USP4: variants seen among roughly 807,000 people sequenced by gnomAD.
USP4 encodes ubiquitin carboxyl-terminal hydrolase 4.
A neutral mutation model predicts 118.2 loss-of-function variants in USP4; 72 were observed. That is an observed-to-expected ratio of 0.61 (90% CI 0.50 to 0.74). USP4 has a LOEUF of 0.74. Among genes scored for constraint, USP4 ranks in the 30% least tolerant of loss-of-function variants. USP4 has a pLI of 0.00. For synonymous variants in USP4, 415 were observed against 440.4 expected, an observed-to-expected ratio of 0.94 and a Z score of 0.72; for missense variants, 1,037 against 1,185.7, an observed-to-expected ratio of 0.87 and a Z score of 1.84.
intron 14 of USP4, chr3:49,293,723 A>C (rs896759001): frequency 8.5e-5 from 13 of 152,086 alleles, no homozygotes; most frequent in Non-Finnish European, 1.6e-4. Context: ...ACTCTTAAGA[A>C]AGTTTGTCTC....
At chr3:49,317,516 T>C (rs2047452550) in intron 6 of USP4, 3 of 628,638 alleles carry the variant, frequency 4.8e-6, no homozygotes, top group East Asian at 5.5e-5. Context: ...ACTCTTTTTT[T>C]GTTTTGTTTT....
chr3:49,277,145 C>T lies in USP4; in HGVS notation c.*1148G>A, dbSNP rs1055505688. 28 of 1,437,328 alleles carry T rather than the reference C, an allele frequency of 1.9e-5. No homozygotes were observed. Among genetic ancestry groups the T allele is most frequent in the Non-Finnish European group, 2.5e-5 (27 of 1,084,394 alleles). 89.0% of individuals were successfully genotyped at this position (1,437,328 alleles called of 1,614,324 possible). A position where few individuals can be genotyped will look rare whatever the true frequency, so the allele number is the denominator to read the frequency against. Reference sequence around the variant, plus strand: ...TCCCAGGCCGCTGGCCCTACCGGCACCCCCCCTTTGGCGAGTCGGCAGCCA... The same window carrying T: ...TCCCAGGCCGCTGGCCCTACCGGCATCCCCCCTTTGGCGAGTCGGCAGCCA... On this transcript the variant is annotated 3_prime_UTR_variant, in exon 22 of 22. Coordinates refer to ENST00000265560, the MANE Select transcript of USP4 (RefSeq NM_003363.4).
At position 49,294,416 on chromosome 3, in the gene USP4, T is replaced by C. The variant is rs967731061; in HGVS notation, c.1874A>G (p.Asp625Gly). Residue 625 changes from aspartate (D) to glycine (G), a missense_variant, in exon 14 of 22, where the codon GAT (aspartate) becomes GGT (glycine). Transcript: ENST00000265560. ...CATTCCTGCCACCAACCTGATACGA[T>C]CACAAACAGCCTGGTACAAAGACTC... The part of the protein sequence containing the change: ...TLESLYQAVC[D>G]RISRYVKQPL... 3.7e-6 allele frequency: 6 copies of C among 1,612,398 alleles called. No individual in the cohort carries two copies. In the African/African-American group the frequency reaches 6.7e-5, roughly 18 times the overall value.
intron 6 of USP4, among the ~76,000 whole-genome samples, chr3:49,319,921 G>T (rs563223943): frequency 6.6e-6 from 1 of 151,776 alleles, no homozygotes; most frequent in African/African-American, 2.4e-5. Context: ...GCCTTGTTTT[G>T]TTTTCTTGTG....
intron 6 of USP4, among the ~76,000 whole-genome samples, chr3:49,314,795 T>G (rs2047419153): frequency 6.6e-6 from 1 of 152,010 alleles, no homozygotes; most frequent in Non-Finnish European, 1.5e-5. Context: ...GAGGCCAAGG[T>G]GGGAGGACTG....
chr3:49,281,476 G>GTATATA (rs568103712), intron 19 of USP4, among the ~76,000 whole-genome samples: 53 of 105,974 alleles, frequency 5.0e-4, no homozygotes, highest in East Asian at 2.8e-3. Context: ...AAAAGTATGT[G>GTATATA]TATATATATA....
intron 9 of USP4, among the ~76,000 whole-genome samples, chr3:49,304,936 G>A (rs2107782820): frequency 6.6e-6 from 1 of 151,514 alleles, no homozygotes; most frequent in South Asian, 2.1e-4. Context: ...GCTAATTTTT[G>A]TATTTTTGGT....
chr3:49,283,282 G>A (rs1326458608), intron 19 of USP4, among the ~76,000 whole-genome samples: 5 of 151,838 alleles, frequency 3.3e-5, no homozygotes, highest in Non-Finnish European at 7.4e-5. Context: ...CCAAAGTGCT[G>A]GGATTACAAG....
Position 49,283,329 on chromosome 3 carries a change from A to AT in USP4, c.2540+657dup, listed in dbSNP as rs1229740323. Among the ~76,000 whole-genome samples, 3 of 151,086 alleles carry AT rather than the reference A, an allele frequency of 2.0e-5. No homozygotes were observed. In the East Asian group the frequency reaches 5.9e-4, roughly 30 times the overall value. On this transcript the variant is annotated intron_variant, in intron 19 of 21. Transcript: ENST00000265560. ...GTGCCCAGCCTATTTTTTTAAATAT[A>AT]TTTTTTATTTTTTGTAGAGAGGAAG...
At chr3:49,308,331 T>TA (rs1265474393) in intron 8 of USP4, among the ~76,000 whole-genome samples, 3 of 152,224 alleles carry the variant, frequency 2.0e-5, no homozygotes, top group East Asian at 3.9e-4. Flanking sequence ...TTATTATATA[T>TA]TTTTTTGAGA....
At chr3:49,312,317 C>A (rs1177043017) in intron 6 of USP4, 2 of 355,206 alleles carry the variant, frequency 5.6e-6, no homozygotes, top group Non-Finnish European at 5.6e-6. Context: ...AGTGAAACCA[C>A]ATCTCTACTA....
At chr3:49,279,208 A>T in intron 20 of USP4, 1 of 173,398 alleles carries the variant, frequency 5.8e-6, no homozygotes, top group Non-Finnish European at 1.2e-5. Flanking sequence ...TATGTGCAAT[A>T]ATCCAAAACC....
rs771045987 is a variant in USP4 at position 49,297,929 on chromosome 3, G to A, written c.1632C>T (p.His544=). The change falls in exon 13 of 22, where the codon CAC becomes CAT. Residue 544 remains histidine (H), a synonymous_variant. Transcript: ENST00000265560. ...VVADVYNHRF[H]KIFQMDEGLN... is the part of the protein sequence containing the mutation. ...AACCTTCATCCATTTGGAAAATTTT[G>A]TGGAATCGGTGATTATACACATCTG... is the stretch of plus-strand genomic sequence containing the variant. 1.9e-6 allele frequency: 3 copies of A among 1,614,090 alleles called. No individual in the cohort carries two copies. The East Asian group carries it at 6.7e-5, about 36-fold the overall frequency.
chr3:49,312,246 C>T, intron 6 of USP4: 2 of 275,788 alleles, frequency 7.3e-6, no homozygotes, highest in East Asian at 1.1e-4. Context: ...ATCATGAGGT[C>T]ACGATCACAA....
intron 19 of USP4, among the ~76,000 whole-genome samples, chr3:49,282,997 T>G (rs1251497955): frequency 7.4e-6 from 1 of 134,910 alleles, no homozygotes; most frequent in Admixed American, 7.5e-5. Context: ...TGTGAGCCAC[T>G]GTGCCGGCCT....
intron 8 of USP4, among the ~76,000 whole-genome samples, chr3:49,308,006 GAA>G (rs780198635): frequency 6.8e-6 from 1 of 146,292 alleles, no homozygotes; most frequent in Non-Finnish European, 1.5e-5. Context: ...CTGTCTCTAA[GAA>G]AAAAAAAAAT....
At chr3:49,286,861 T>C (rs1404815111) in intron 15 of USP4, among the ~76,000 whole-genome samples, 1 of 150,294 alleles carries the variant, frequency 6.7e-6, no homozygotes, top group African/African-American at 2.5e-5. Flanking sequence ...TATCTATCTA[T>C]CTATCTGAGA....
chr3:49,312,352 G>A (rs1341709935), intron 6 of USP4: 4 of 394,804 alleles, frequency 1.0e-5, no homozygotes, highest in South Asian at 7.1e-5. Context: ...ATCTGGACAT[G>A]GTGGCGGGCG....
chr3:49,279,055 A>C (rs935500520), intron 20 of USP4, 153 bp from the exon 21 acceptor site: 4 of 450,296 alleles, frequency 8.9e-6, no homozygotes, highest in African/African-American at 6.1e-5. Context: ...CCAAAAAACA[A>C]CTCACCTTCT....
Sources: gnomAD v4.1 joint callset for allele counts (sites outside exome capture counted in the v4.1 genomes callset) on GRCh38, gnomAD v4.1.1 for gene constraint, MANE v1.5 for transcripts, NCBI Gene and HGNC (gene_info 2026-07-23, HGNC 2026-07-21) for gene names.